The following MTF2 variants were observed in gnomAD, a reference collection of about 807,000 sequenced individuals.
MTF2 encodes metal-response element-binding transcription factor 2.
MTF2 carries 11 observed loss-of-function variants against 79.5 expected under a neutral mutation model. That is an observed-to-expected ratio of 0.14 (90% CI 0.09 to 0.23). The LOEUF (loss-of-function observed/expected upper bound fraction) is 0.23, where lower values mean the gene tolerates loss of function less well. Ranked by LOEUF, MTF2 falls within the 10% of genes least tolerant of loss-of-function variation. The pLI is 1.00. For missense variants in MTF2, 486 were observed against 711.2 expected, an observed-to-expected ratio of 0.68 and a Z score of 3.60; for synonymous variants, 208 against 232.8, an observed-to-expected ratio of 0.89 and a Z score of 0.97.
chr1:93,119,462 A>G, intron 8 of MTF2, 61 bp downstream of exon 8: 1 of 1,238,034 alleles, frequency 8.1e-7, no homozygotes, highest in Non-Finnish European at 1.1e-6. Context: ...TACAAGTTGA[A>G]ACTTTCTATA....
At chr1:93,120,467 T>TTAC in intron 8 of MTF2, 82 bp from the exon 9 acceptor site, 1 of 1,302,916 alleles carries the variant, frequency 7.7e-7, no homozygotes, top group Non-Finnish European at 1.0e-6. Context: ...TGCATTTTAA[T>TTAC]TACTGTTTTA....
At chr1:93,090,732 C>T (rs1655041942) in intron 1 of MTF2, among the ~76,000 whole-genome samples, 1 of 149,190 alleles carries the variant, frequency 6.7e-6, no homozygotes, top group African/African-American at 2.5e-5. Flanking sequence ...GGCACGATCT[C>T]GGCTCACTGC....
At chr1:93,096,542 T>C (rs908985223) in intron 1 of MTF2, among the ~76,000 whole-genome samples, 2 of 151,978 alleles carry the variant, frequency 1.3e-5, no homozygotes, top group African/African-American at 4.8e-5. Flanking sequence ...TCTGTGTTAA[T>C]TTCTGTTCTT....
intron 9 of MTF2, among the ~76,000 whole-genome samples, chr1:93,126,038 A>C (rs1235053888): frequency 1.3e-5 from 2 of 152,096 alleles, no homozygotes; most frequent in Non-Finnish European, 2.9e-5. Flanking sequence ...CAAGCTTTAA[A>C]GTCTGATTCT....
At chr1:93,120,958 G>T in intron 9 of MTF2, 1 of 1,097,426 alleles carries the variant, frequency 9.1e-7, no homozygotes, top group Non-Finnish European at 1.1e-6. Context: ...TAGAAGGGAG[G>T]GAGAAATCTT....
intron 9 of MTF2, chr1:93,121,000 T>G (rs1471630040): frequency 9.6e-7 from 1 of 1,042,646 alleles, no homozygotes; most frequent in Non-Finnish European, 1.2e-6. Context: ...TAGTTCAACC[T>G]CCTTTTCTTC....
chr1:93,105,000 C>T (rs555723864), intron 1 of MTF2, among the ~76,000 whole-genome samples: 39 of 152,010 alleles, frequency 2.6e-4, no homozygotes, highest in Non-Finnish European at 3.7e-4. Context: ...AAAAGTTAGC[C>T]GGGTGTAGTG....
At chr1:93,110,812 G>A (rs1202828232) in intron 3 of MTF2, among the ~76,000 whole-genome samples, 186 bp downstream of exon 3, 1 of 152,136 alleles carries the variant, frequency 6.6e-6, no homozygotes, top group Non-Finnish European at 1.5e-5. Flanking sequence ...TACTCTAGAG[G>A]ACAGATGCAT....
intron 1 of MTF2, among the ~76,000 whole-genome samples, chr1:93,089,706 C>T (rs1205610726): frequency 6.6e-6 from 1 of 152,118 alleles, no homozygotes; most frequent in African/African-American, 2.4e-5. Flanking sequence ...GCTCTCACCG[C>T]TATGCCTGGC....
chr1:93,120,258 T>C (rs1656419520), intron 8 of MTF2: 1 of 177,660 alleles, frequency 5.6e-6, no homozygotes, highest in African/African-American at 2.5e-5. Context: ...GTTGTGCCAT[T>C]GTACTACTCC....
chr1:93,083,178 G>T (rs1404632986), intron 1 of MTF2, among the ~76,000 whole-genome samples: 1 of 152,192 alleles, frequency 6.6e-6, no homozygotes, highest in Non-Finnish European at 1.5e-5. Context: ...GAGGATTAGA[G>T]ATGGGGGCGG....
intron 3 of MTF2, among the ~76,000 whole-genome samples, chr1:93,112,656 C>G (rs1319679051): frequency 6.6e-6 from 1 of 152,020 alleles, no homozygotes; most frequent in African/African-American, 2.4e-5. Context: ...AAAAATGTTT[C>G]CTGAAGTTTA....
chr1:93,112,003 C>T (rs1433595605), intron 3 of MTF2, among the ~76,000 whole-genome samples: 1 of 152,068 alleles, frequency 6.6e-6, no homozygotes, highest in East Asian at 1.9e-4. Context: ...TTCTACTTCT[C>T]CTCTGCTTTT....
intron 1 of MTF2, among the ~76,000 whole-genome samples, chr1:93,081,463 A>G (rs1258265839): frequency 1.3e-5 from 2 of 152,216 alleles, no homozygotes; most frequent in Non-Finnish European, 2.9e-5. Flanking sequence ...CATGACCAAC[A>G]TCTGTAGCTT....
chr1:93,128,474 T>G (rs1385996639), intron 10 of MTF2, among the ~76,000 whole-genome samples: 2 of 151,114 alleles, frequency 1.3e-5, no homozygotes, highest in South Asian at 4.2e-4. Context: ...GGAGAATCGC[T>G]TGAACCCGGG....
intron 1 of MTF2, among the ~76,000 whole-genome samples, chr1:93,082,035 A>G (rs1433925671): frequency 6.6e-6 from 1 of 152,178 alleles, no homozygotes; most frequent in Non-Finnish European, 1.5e-5. Flanking sequence ...GTCTTCTGTC[A>G]TATTTCTGTT....
At chr1:93,085,834 C>G (rs1488316059) in intron 1 of MTF2, among the ~76,000 whole-genome samples, 1 of 152,178 alleles carries the variant, frequency 6.6e-6, no homozygotes, top group African/African-American at 2.4e-5. Flanking sequence ...CACTGCAGAA[C>G]TTGAGTATCT....
At chr1:93,114,587 G>A in intron 3 of MTF2, 101 bp from the exon 4 acceptor site, 1 of 731,820 alleles carries the variant, frequency 1.4e-6, no homozygotes, top group Non-Finnish European at 2.2e-6. Context: ...GATGTACTTA[G>A]CAAACATTGC....
intron 14 of MTF2, 99 bp downstream of exon 14, chr1:93,134,294 T>C (rs1647282990): frequency 1.2e-6 from 1 of 837,092 alleles, no homozygotes; most frequent in Non-Finnish European, 1.9e-6. Context: ...TTGAAAGTGA[T>C]GTAAGTTGTG....
Sources: allele counts gnomAD v4.1 joint callset (sites outside exome capture counted in the v4.1 genomes callset), GRCh38; gene constraint gnomAD v4.1.1; transcripts MANE v1.5; gene names NCBI Gene and HGNC (gene_info 2026-07-23, HGNC 2026-07-21).